The following ARID1B variants were observed in gnomAD, a reference collection of about 807,000 sequenced individuals.
ARID1B encodes the protein AT-rich interactive domain-containing protein 1B.
In ARID1B, 30 loss-of-function variants were observed where a neutral mutation model predicts 212.3. That is an observed-to-expected ratio of 0.14 (90% CI 0.11 to 0.19). The LOEUF (loss-of-function observed/expected upper bound fraction) is 0.19. ARID1B is among the 10% of genes least tolerant of loss of function. ARID1B has a pLI of 1.00. For synonymous variants in ARID1B, 1,402 were observed against 1,301.7 expected, an observed-to-expected ratio of 1.08 and a Z score of -1.66; for missense variants, 2,891 against 3,204.0, an observed-to-expected ratio of 0.90 and a Z score of 2.36.
intron 4 of ARID1B, among the ~76,000 whole-genome samples, chr6:157,060,579 G>A (rs1783272895): frequency 7.2e-6 from 1 of 138,582 alleles, no homozygotes. Context: ...TTAACATATA[G>A]ATTTAAACTT....
At chr6:156,958,819 A>C (rs1169257745) in intron 4 of ARID1B, among the ~76,000 whole-genome samples, 1 of 152,222 alleles carries the variant, frequency 6.6e-6, no homozygotes, top group Non-Finnish European at 1.5e-5. Flanking sequence ...AATGAAGCAA[A>C]GCAAAAAAAG....
Position 157,174,830 on chromosome 6 carries a change from TTA to T in ARID1B, c.3346-15_3346-14del. ...CCTACCTTTGTCATTTTTTTTTTTT[TTA>T]TTCCTCTACCACAGGATAGCTACAG... On this transcript the variant is annotated splice_polypyrimidine_tract_variant and intron_variant, in intron 10 of 19. Coordinates refer to ENST00000636930, the MANE Select transcript of ARID1B (RefSeq NM_001374828.1). 6.8e-7 allele frequency: 1 copy of T among 1,475,918 alleles called. No homozygotes were observed. Among genetic ancestry groups the T allele is most frequent in the Admixed American group, 2.2e-5 (1 of 46,104 alleles). The allele number at this position is 1,475,918 out of a possible 1,614,324, so 91.4% of individuals were successfully genotyped here.
intron 5 of ARID1B, among the ~76,000 whole-genome samples, chr6:157,109,430 T>TGTGA (rs201728550): frequency 0.013 from 2,022 of 152,294 alleles, 16 homozygotes; most frequent in Non-Finnish European, 0.016. Context: ...TATGTGTGTG[T>TGTGA]GTGAGTGTAT....
At chr6:157,108,852 G>A (rs918505589) in intron 5 of ARID1B, among the ~76,000 whole-genome samples, 13 of 152,148 alleles carry the variant, frequency 8.5e-5, no homozygotes, top group African/African-American at 2.9e-4. Context: ...GTGACACAGT[G>A]CATATTTCTC....
At chr6:157,139,017 C>T (rs781248649) in intron 7 of ARID1B, among the ~76,000 whole-genome samples, 2 of 152,064 alleles carry the variant, frequency 1.3e-5, no homozygotes, top group Non-Finnish European at 2.9e-5. Context: ...GACTGATAAT[C>T]ATCATGATTT....
chr6:157,132,963 A>G, intron 6 of ARID1B, 65 bp from the exon 7 acceptor site: 1 of 1,514,426 alleles, frequency 6.6e-7, no homozygotes, highest in South Asian at 1.3e-5. Context: ...GTCCATGTCC[A>G]TTTTTATGTA....
intron 4 of ARID1B, among the ~76,000 whole-genome samples, chr6:156,953,310 T>G (rs1583020230): frequency 1.3e-5 from 2 of 152,210 alleles, no homozygotes; most frequent in African/African-American, 4.8e-5. Context: ...TTAAAACGGT[T>G]TTTGACAAAC....
At chr6:156,969,353 C>CGGT (rs985768109) in intron 4 of ARID1B, among the ~76,000 whole-genome samples, 2 of 152,098 alleles carry the variant, frequency 1.3e-5, no homozygotes, top group African/African-American at 2.4e-5. Context: ...GCCCCAGGAT[C>CGGT]GGTGGTGGTG....
Position 156,901,498 on chromosome 6 carries a change from G to C in ARID1B, c.2109G>C (p.Gln703His), listed in dbSNP as rs771442003. The C allele has an allele frequency of 1.2e-6, 2 of 1,613,790 alleles. No homozygotes were observed. Among genetic ancestry groups the C allele is most frequent in the Non-Finnish European group, 1.7e-6 (2 of 1,179,962 alleles). The stretch of plus-strand genomic sequence containing the variant: ...CCCAGGCGCAGTATCTGCCGTCCCA[G>C]TCCCAGCAGAGGTACCAGCCGCAGC... Reference protein sequence around the residue: ...LPPQAQYLPSQSQQRYQPQQD... With the variant: ...LPPQAQYLPSHSQQRYQPQQD... The change falls in exon 3 of 20, where the codon CAG becomes CAC. Residue 703 changes from glutamine to histidine, a missense_variant. Physicochemically the swap from Gln to His is conservative, Grantham distance 24. Transcript: ENST00000636930.
At position 157,196,382 on chromosome 6, in the gene ARID1B, TCTGAGCCCTGGCAG is replaced by T. The variant is rs2128358314; in HGVS notation, c.4382+75_4382+88del. The T allele has an allele frequency of 1.8e-5, 27 of 1,538,748 alleles. No individual in the cohort carries two copies. In the South Asian group the frequency reaches 3.4e-4, roughly 19 times the overall value. On this transcript the variant is annotated intron_variant, in intron 16 of 19. Coordinates refer to ENST00000636930, the MANE Select transcript of ARID1B (RefSeq NM_001374828.1). ...ACCGTGCTTTCCTCACACACACATT[TCTGAGCCCTGGCAG>T]CTGAGCCACTGATGACAATATACAG...
At chr6:157,031,956 T>C (rs1781041692) in intron 4 of ARID1B, among the ~76,000 whole-genome samples, 1 of 152,108 alleles carries the variant, frequency 6.6e-6, no homozygotes, top group Non-Finnish European at 1.5e-5. Flanking sequence ...GCCACCACGC[T>C]CAGCTAATTT....
chr6:157,098,425 T>A (rs1005814160), intron 5 of ARID1B, among the ~76,000 whole-genome samples: 1 of 152,218 alleles, frequency 6.6e-6, no homozygotes, highest in Non-Finnish European at 1.5e-5. Context: ...CAAGTGGGTT[T>A]TCACGTGGCC....
chr6:157,037,091 C>T (rs1781380921), intron 4 of ARID1B, among the ~76,000 whole-genome samples: 1 of 152,084 alleles, frequency 6.6e-6, no homozygotes, highest in African/African-American at 2.4e-5. Flanking sequence ...AGAAACAATA[C>T]AGGAAAACAA....
chr6:156,937,383 CG>C (rs1418495166), intron 4 of ARID1B: 1 of 152,112 alleles, frequency 6.6e-6, no homozygotes, highest in Non-Finnish European at 1.5e-5. Context: ...TGGAGAGGTT[CG>C]ACCTTGTAGA....
At chr6:157,129,726 T>G (rs1255514700) in intron 6 of ARID1B, among the ~76,000 whole-genome samples, 1 of 152,174 alleles carries the variant, frequency 6.6e-6, no homozygotes, top group Non-Finnish European at 1.5e-5. Flanking sequence ...CAGTGACAAT[T>G]GAGATAGTTC....
intron 6 of ARID1B, chr6:157,119,802 C>G (rs549283281): frequency 6.6e-6 from 1 of 152,356 alleles, no homozygotes; most frequent in South Asian, 2.1e-4. Flanking sequence ...CAGAACTCTG[C>G]GAGTGGAGGG....
At chr6:156,822,346 A>G (rs1490317243) in intron 1 of ARID1B, among the ~76,000 whole-genome samples, 1 of 152,254 alleles carries the variant, frequency 6.6e-6, no homozygotes, top group Non-Finnish European at 1.5e-5. Flanking sequence ...TTTTAAATGC[A>G]GGGTTGCATG....
Position 157,206,564 on chromosome 6 carries a change from G to C in ARID1B, c.5792G>C (p.Arg1931Pro). ...FVVDRSDKLGRVQEFNSGLLH... is the reference protein window; with the variant it reads ...FVVDRSDKLGPVQEFNSGLLH... ...GTTGACCGATCTGACAAGTTGGGGC[G>C]TGTGCAGGAGTTCAATAGTGGCCTT... is the stretch of plus-strand genomic sequence containing the variant. Residue 1931 changes from arginine to proline, a missense_variant, in exon 20 of 20, where the codon CGT (arginine) becomes CCT (proline). Around this residue, in one of 7 missense-constraint regions of ARID1B, gnomAD observed 332 missense variants for 369.2 expected, o/e 0.90. Coordinates refer to ENST00000636930, the MANE Select transcript of ARID1B (RefSeq NM_001374828.1). The surrounding 1 kb of genome is among the most constrained non-coding windows in gnomAD (Gnocchi z 6.8). 1 of 1,614,148 alleles carries C rather than the reference G, an allele frequency of 6.2e-7. No homozygotes were observed. Among genetic ancestry groups the C allele is most frequent in the Non-Finnish European group, 8.5e-7 (1 of 1,180,020 alleles).
At position 156,958,222 on chromosome 6, in the gene ARID1B, C is replaced by T. The variant is rs186909120; in HGVS notation, c.2247+22646C>T. Among the ~76,000 whole-genome samples the T allele has an allele frequency of 4.6e-5, 7 of 152,294 alleles. No homozygotes were observed. The East Asian group carries it at 1.3e-3, about 29-fold the overall frequency. ...AAAGACTAACTTGTTTTCTCCTAGT[C>T]ACAGCTCCACACCTAGGAACAGCTT... On this transcript the variant is annotated intron_variant, in intron 4 of 19. Transcript: ENST00000636930.
Sources: gnomAD v4.1 joint callset for allele counts (sites outside exome capture counted in the v4.1 genomes callset) on GRCh38, gnomAD v4.1.1 for gene constraint, gnomAD v4.1.1 regional missense constraint, Gnocchi (gnomAD v3.1) non-coding constraint, MANE v1.5 for transcripts, NCBI Gene and HGNC (gene_info 2026-07-23, HGNC 2026-07-21) for gene names.